The following PCDHA8 variants were observed in gnomAD, a reference collection of about 807,000 sequenced individuals.
PCDHA8 encodes the protein protocadherin alpha-8.
PCDHA8 carries 53 observed loss-of-function variants against 61.8 expected under a neutral mutation model. That is an observed-to-expected ratio of 0.86 (90% CI 0.69 to 1.08). The LOEUF (loss-of-function observed/expected upper bound fraction) is 1.08, where lower values mean the gene tolerates loss of function less well. PCDHA8 is among the 50% of genes least tolerant of loss of function. PCDHA8 has a pLI of 0.00. For missense variants in PCDHA8, 1,293 were observed against 1,245.0 expected (o/e 1.04, Z -0.58); for synonymous variants, 618 against 556.6 (o/e 1.11, Z -1.55).
At position 140,857,550 on chromosome 5, in the gene PCDHA8, G is replaced by A; in HGVS notation, c.2394+13835G>A. 4 of 1,596,852 alleles carry A rather than the reference G, an allele frequency of 2.5e-6. 1 individual carries two copies. The highest frequency in any genetic ancestry group is 3.4e-6 in the Non-Finnish European group (4 of 1,167,652). On this transcript the variant is annotated intron_variant, in intron 1 of 3. Coordinates refer to ENST00000531613, the MANE Select transcript of PCDHA8 (RefSeq NM_018911.3). ...CTGGTGGAGCGGCGGTTGGGCGAGC[G>A]CTCGCTGTCGAGCTACGTGTCGGTG...
chr5:140,932,406 T>C (rs1235222855), intron 1 of PCDHA8, among the ~76,000 whole-genome samples: 1 of 151,924 alleles, frequency 6.6e-6, no homozygotes, highest in East Asian at 1.9e-4. Flanking sequence ...CATACCAATG[T>C]TATATTAGTG....
chr5:140,851,914 A>C (rs1213624827), intron 1 of PCDHA8: 2 of 969,578 alleles, frequency 2.1e-6, no homozygotes, highest in East Asian at 2.3e-4. Context: ...ATGTCACTAC[A>C]TGTTATGTTT....
chr5:140,905,611 T>A (rs1396340503), intron 1 of PCDHA8, among the ~76,000 whole-genome samples: 1 of 152,224 alleles, frequency 6.6e-6, no homozygotes, highest in African/African-American at 2.4e-5. Flanking sequence ...ATTGAATCTA[T>A]AGATTGCTTT....
chr5:140,991,121 C>G (rs1220661100), intron 3 of PCDHA8, among the ~76,000 whole-genome samples: 1 of 152,184 alleles, frequency 6.6e-6, no homozygotes, highest in Non-Finnish European at 1.5e-5. Context: ...TTCTTACATT[C>G]ACACAGCTAG....
chr5:140,884,839 G>A lies in PCDHA8; in HGVS notation c.2394+41124G>A, dbSNP rs180730260. Reference sequence around the variant, plus strand: ...ACATTATGTGTTGGATTATCCTTCAGAGTGAAATCTTAACTCACAAACCAT... The same window carrying A: ...ACATTATGTGTTGGATTATCCTTCAAAGTGAAATCTTAACTCACAAACCAT... On this transcript the variant is annotated intron_variant, in intron 1 of 3. Coordinates refer to ENST00000531613, the MANE Select transcript of PCDHA8 (RefSeq NM_018911.3). 2.5e-3 allele frequency: 2,207 copies of A among 893,274 alleles called. 7 individuals are homozygous for A. Among genetic ancestry groups the A allele is most frequent in the Middle Eastern group, 9.3e-3 (26 of 2,802 alleles). 55.3% of individuals were successfully genotyped at this position (893,274 alleles called of 1,614,324 possible). A position where few individuals can be genotyped will look rare whatever the true frequency, so the allele number is the denominator to read the frequency against.
intron 1 of PCDHA8, chr5:140,929,108 C>T (rs1255119645): frequency 6.2e-7 from 1 of 1,614,080 alleles, no homozygotes; most frequent in African/African-American, 1.3e-5. Flanking sequence ...TGCATGACAT[C>T]AGCCACCATA....
At chr5:140,854,178 A>AATT in intron 1 of PCDHA8, 6 of 531,176 alleles carry the variant, frequency 1.1e-5, no homozygotes, top group Non-Finnish European at 1.2e-5. Context: ...AAAAAAAAAG[A>AATT]GTAGTTTAAC....
Position 140,895,899 on chromosome 5 carries a change from C to T in PCDHA8, c.2394+52184C>T, listed in dbSNP as rs181661173. Among the ~76,000 whole-genome samples, 21 of 152,308 alleles carry T rather than the reference C, an allele frequency of 1.4e-4. No homozygotes were observed. The East Asian group carries it at 2.5e-3, about 18-fold the overall frequency. ...CGATCTCGGCTCACTGCAACCTCCGCGTCCCGGGCTCAACAATTATCCTGC... is the reference window on the plus strand; with the variant it reads ...CGATCTCGGCTCACTGCAACCTCCGTGTCCCGGGCTCAACAATTATCCTGC... On this transcript the variant is annotated intron_variant, in intron 1 of 3. Transcript: ENST00000531613.
chr5:140,883,401 A>C, intron 1 of PCDHA8: 2 of 1,614,108 alleles, frequency 1.2e-6, no homozygotes, highest in Non-Finnish European at 1.7e-6. Flanking sequence ...TCCGATCGTG[A>C]CTCTGGCTCA....
At chr5:140,902,395 G>A (rs782771913) in intron 1 of PCDHA8, among the ~76,000 whole-genome samples, 2 of 151,802 alleles carry the variant, frequency 1.3e-5, no homozygotes, top group Non-Finnish European at 2.9e-5. Context: ...GTACTATGTT[G>A]AATACTATGT....
At chr5:140,908,911 T>C (rs535661545) in intron 1 of PCDHA8, among the ~76,000 whole-genome samples, 1 of 152,300 alleles carries the variant, frequency 6.6e-6, no homozygotes, top group South Asian at 2.1e-4. Flanking sequence ...TTCGTGGTTG[T>C]AGGAGGGGCC....
chr5:140,847,219 G>A (rs2150398133), intron 1 of PCDHA8, among the ~76,000 whole-genome samples: 4 of 149,610 alleles, frequency 2.7e-5, no homozygotes, highest in African/African-American at 9.8e-5. Context: ...GAATTAATTG[G>A]GAGCTATTTA....
chr5:140,881,097 A>G (rs1179635604), intron 1 of PCDHA8, among the ~76,000 whole-genome samples: 1 of 152,262 alleles, frequency 6.6e-6, no homozygotes, highest in Non-Finnish European at 1.5e-5. Flanking sequence ...TTTTCATTAC[A>G]CCATTTGGCC....
chr5:140,849,883 T>C lies in PCDHA8; in HGVS notation c.2394+6168T>C, dbSNP rs2150456208. The C allele has an allele frequency of 4.4e-6, 7 of 1,598,290 alleles. No homozygotes were observed. Among genetic ancestry groups the C allele is most frequent in the Non-Finnish European group, 6.0e-6 (7 of 1,167,932 alleles). ...TTCGCGCAGTCCGAGTACACGGTGTTCGTGAAGGAGAACAACCCGCCGGGC... is the reference window on the plus strand; with the variant it reads ...TTCGCGCAGTCCGAGTACACGGTGTCCGTGAAGGAGAACAACCCGCCGGGC... On this transcript the variant is annotated intron_variant, in intron 1 of 3. Transcript: ENST00000531613.
intron 1 of PCDHA8, among the ~76,000 whole-genome samples, chr5:140,901,931 C>G (rs2068990642): frequency 6.6e-6 from 1 of 151,430 alleles, no homozygotes; most frequent in Non-Finnish European, 1.5e-5. Context: ...TGGTTAATTC[C>G]TAGGTATATT....
At position 140,842,088 on chromosome 5, in the gene PCDHA8, A is replaced by T; in HGVS notation, c.767A>T (p.Asp256Val). 6.2e-7 allele frequency: 1 copy of T among 1,613,938 alleles called. No individual in the cohort carries two copies. ...GAAGTAAGAATATTCGAAAACGCAG[A>T]CAACGGAACAACAGTTATCAAACTG... ...EYEVRIFENA[D>V]NGTTVIKLNA... Residue 256 changes from aspartate (D) to valine (V), a missense_variant, in exon 1 of 4, where the codon GAC becomes GTC. Asp to Val is a radical substitution (Grantham distance 152, BLOSUM62 -3). Coordinates refer to ENST00000531613, the MANE Select transcript of PCDHA8 (RefSeq NM_018911.3).
At position 140,853,431 on chromosome 5, in the gene PCDHA8, T is replaced by C; in HGVS notation, c.2394+9716T>C. 3.0e-6 allele frequency: 3 copies of C among 985,312 alleles called. No homozygotes were observed. In the African/African-American group the frequency reaches 5.3e-5, roughly 17 times the overall value. The allele number at this position is 985,312 out of a possible 1,614,324, so 61.0% of individuals were successfully genotyped here. On this transcript the variant is annotated intron_variant, in intron 1 of 3. Coordinates refer to ENST00000531613, the MANE Select transcript of PCDHA8 (RefSeq NM_018911.3). ...AGAGGTGAAAGCAGAAGAGACACTTTCCTATTTTGCCTAATAGGTCTCCTT... is the reference window on the plus strand; with the variant it reads ...AGAGGTGAAAGCAGAAGAGACACTTCCCTATTTTGCCTAATAGGTCTCCTT...
chr5:140,941,564 C>T (rs1352264408), intron 1 of PCDHA8, among the ~76,000 whole-genome samples: 2 of 151,992 alleles, frequency 1.3e-5, no homozygotes, highest in Non-Finnish European at 2.9e-5. Flanking sequence ...ATCCATTCGC[C>T]TCAGCCTCCC....
At position 141,005,728 on chromosome 5, in the gene PCDHA8, A is replaced by T. The variant is rs574255915; in HGVS notation, c.2543-3899A>T. On this transcript the variant is annotated intron_variant, in intron 3 of 3. Coordinates refer to ENST00000531613, the MANE Select transcript of PCDHA8 (RefSeq NM_018911.3). ...AAAAAAAAAAAAAAAAAAAAAAAAA[A>T]AAAGAATGGATGAGAAATCATTCAA... Among the ~76,000 whole-genome samples the T allele has an allele frequency of 1.3e-4, 19 of 150,362 alleles. No homozygotes were observed. The South Asian group carries it at 1.7e-3, about 13-fold the overall frequency.
Sources: gnomAD v4.1 joint callset for allele counts (sites outside exome capture counted in the v4.1 genomes callset) on GRCh38, gnomAD v4.1.1 for gene constraint, MANE v1.5 for transcripts, NCBI Gene and HGNC (gene_info 2026-07-23, HGNC 2026-07-21) for gene names.